FHOD1: variants seen among roughly 807,000 people sequenced by gnomAD.
The protein encoded by FHOD1 is FH1/FH2 domain-containing protein 1.
In FHOD1, 89 loss-of-function variants were observed where a neutral mutation model predicts 111.6. That is an observed-to-expected ratio of 0.80 (90% CI 0.67 to 0.95). The LOEUF (loss-of-function observed/expected upper bound fraction) is 0.95, where lower values mean the gene tolerates loss of function less well. Ranked by LOEUF, FHOD1 falls within the 40% of genes least tolerant of loss-of-function variation. The probability of loss-of-function intolerance (pLI) is 0.00; values close to 1 mark genes in which losing one functional copy is unlikely to be tolerated. For missense variants in FHOD1, 1,446 were observed against 1,554.2 expected (o/e 0.93, Z 1.17); for synonymous variants, 618 against 639.0 (o/e 0.97, Z 0.50).
chr16:67,229,916 A>G lies in FHOD1; in HGVS notation c.3289T>C (p.Ser1097Pro). The change falls in exon 21 of 22, where the codon TCC becomes CCC. Residue 1097 changes from serine (S) to proline (P), a missense_variant. This residue lies in a region of FHOD1 where 1,085 missense variants were observed against 1,108.8 expected (regional missense o/e 0.98). Transcript: ENST00000258201. ...STASPEEPPG[S>P]SLPSDTSDEI... is the part of the protein sequence containing the mutation. ...TCTGATGTATCACTGGGTAAACTGG[A>G]GCCTGGGGGTTCTTCTGGGGATGCA... The G allele has an allele frequency of 6.2e-7, 1 of 1,614,152 alleles. No homozygotes were observed. Among genetic ancestry groups the G allele is most frequent in the Non-Finnish European group, 8.5e-7 (1 of 1,180,006 alleles).
Position 67,230,374 on chromosome 16 carries a change from C to T in FHOD1, c.2991G>A (p.Gln997=), listed in dbSNP as rs754215765. 5 of 1,614,262 alleles carry T rather than the reference C, an allele frequency of 3.1e-6. No homozygotes were observed. The Middle Eastern group carries it at 4.9e-4, about 160-fold the overall frequency. ...YRTCRERVLQ[Q]QQKQATYRER... ...CACGGTATGTGGCCTGCTTCTGCTG[C>T]TGCTGTAGCACTCGTTCCCGGCAAG... The change falls in exon 19 of 22, where the codon CAG becomes CAA. Residue 997 remains glutamine (Q), a synonymous_variant. Coordinates refer to ENST00000258201, the MANE Select transcript of FHOD1 (RefSeq NM_013241.3).
chr16:67,245,720 G>A (rs2034793904), intron 1 of FHOD1, among the ~76,000 whole-genome samples: 1 of 151,996 alleles, frequency 6.6e-6, no homozygotes, highest in African/African-American at 2.4e-5. Flanking sequence ...ACTCCAGCCT[G>A]GGAGACAGAG....
chr16:67,231,583 T>C lies in FHOD1; in HGVS notation c.2386-34A>G, dbSNP rs777114291. The C allele has an allele frequency of 1.2e-6, 2 of 1,613,982 alleles. No individual in the cohort carries two copies. Among genetic ancestry groups the C allele is most frequent in the East Asian group, 2.2e-5 (1 of 44,900 alleles). On this transcript the variant is annotated intron_variant, in intron 15 of 21. Transcript: ENST00000258201. This position sits in a 1 kb window ranked among gnomAD's most constrained non-coding sequence, Gnocchi z 4.3. The stretch of plus-strand genomic sequence containing the variant: ...GGAGACCAGGGACTCTCAGACTACA[T>C]GGTCATGATGCTTACCTGTCCCTAC...
chr16:67,247,280 C>T lies in FHOD1; in HGVS notation c.131G>A (p.Ser44Asn). The change falls in exon 1 of 22, where the codon AGC becomes AAC. Residue 44 changes from serine (S) to asparagine (N), a missense_variant. Physicochemically the swap from Ser to Asn is conservative, Grantham distance 46 (BLOSUM62 1). This residue lies in a region of FHOD1 where 127 missense variants were observed against 118.0 expected (regional missense o/e 1.08). Transcript: ENST00000258201. ...GCCCAAGGGCAGCGCCCCGTCCAGG[C>T]TGCAGGTGGGGGCCCGGCGCGGCTC... ...FPEPRRAPTC[S>N]LDGALPLGAQ... The T allele has an allele frequency of 6.2e-7, 1 of 1,612,696 alleles. No individual in the cohort carries two copies. The highest frequency in any genetic ancestry group is 1.1e-5 in the South Asian group (1 of 91,004).
chr16:67,231,958 C>A lies in FHOD1; in HGVS notation c.2202+81G>T. ...TGCAGAAATGCCAAGCCCATGCCCA[C>A]CACCAGAGGGACAGGAAATGCCCAC... On this transcript the variant is annotated intron_variant, in intron 14 of 21. Transcript: ENST00000258201. The surrounding 1 kb of genome is among the most constrained non-coding windows in gnomAD (Gnocchi z 4.3). 6.3e-7 allele frequency: 1 copy of A among 1,576,332 alleles called. No homozygotes were observed. The highest frequency in any genetic ancestry group is 8.6e-7 in the Non-Finnish European group (1 of 1,158,108).
At position 67,237,508 on chromosome 16, in the gene FHOD1, C is replaced by T. The variant is rs752983534; in HGVS notation, c.816G>A (p.Glu272=). The change falls in exon 8 of 22, where the codon GAG becomes GAA. Residue 272 remains glutamate (E), a synonymous_variant. Transcript: ENST00000258201. This position sits in a 1 kb window ranked among gnomAD's most constrained non-coding sequence, Gnocchi z 5.6. ...ILEEKNGADP[E]LLVYTVTLIN... is the part of the protein sequence containing the mutation. ...TGAGGGTGACCGTGTACACCAACAA[C>T]TCAGGGTCAGCGCCATTCTTCTCCT... is the stretch of plus-strand genomic sequence containing the variant. 68 of 1,614,058 alleles carry T rather than the reference C, an allele frequency of 4.2e-5. No individual in the cohort carries two copies. The highest frequency in any genetic ancestry group is 5.5e-5 in the Non-Finnish European group (65 of 1,180,038).
In FHOD1 at chr16:67,233,976, A is replaced by T; in HGVS notation, c.1727T>A (p.Leu576Gln). Residue 576 changes from leucine to glutamine, a missense_variant, in exon 13 of 22, where the codon CTG (leucine) becomes CAG (glutamine). Around this residue, in one of 3 missense-constraint regions of FHOD1, gnomAD observed 1,085 missense variants for 1,108.8 expected, o/e 0.98. Transcript: ENST00000258201. ...GKDIPAPSPP[L>Q]PLLSGVPPPP... ...GGGGGGTACTCCCGAGAGCAGGGGC[A>T]GTGGGGGTGAGGGAGCTGGGATGTC... The T allele has an allele frequency of 6.2e-7, 1 of 1,602,232 alleles. No individual in the cohort carries two copies. The highest frequency in any genetic ancestry group is 2.2e-5 in the East Asian group (1 of 44,650).
chr16:67,230,914 T>C lies in FHOD1; in HGVS notation c.2668-123A>G, dbSNP rs777801420. On this transcript the variant is annotated intron_variant, in intron 17 of 21. Transcript: ENST00000258201. The stretch of plus-strand genomic sequence containing the variant: ...TAAGGACACAGACATCCAAATCTCA[T>C]AGACTAGTGCAAGAGACACAAGTCC... 82 of 1,066,360 alleles carry C rather than the reference T, an allele frequency of 7.7e-5. No individual in the cohort carries two copies. In the Middle Eastern group the frequency reaches 1.2e-3, roughly 16 times the overall value. The allele number at this position is 1,066,360 out of a possible 1,614,324, so 66.1% of individuals were successfully genotyped here.
chr16:67,234,396 G>A lies in FHOD1; in HGVS notation c.1396C>T (p.Leu466Phe), dbSNP rs568216912. 6.0e-5 allele frequency: 97 copies of A among 1,610,510 alleles called. No individual in the cohort carries two copies. The South Asian group carries it at 9.0e-4, about 15-fold the overall frequency. The change falls in exon 12 of 22, where the codon CTT becomes TTT. Residue 466 changes from leucine (L) to phenylalanine (F), a missense_variant. This residue lies in a region of FHOD1 where 1,085 missense variants were observed against 1,108.8 expected (regional missense o/e 0.98). Coordinates refer to ENST00000258201, the MANE Select transcript of FHOD1 (RefSeq NM_013241.3). ...GCCTCATTGGGCATGGCCCCGGCAAGTGTCTCTGCCCGGCCCTGGGCCAGC... is the reference window on the plus strand; with the variant it reads ...GCCTCATTGGGCATGGCCCCGGCAAATGTCTCTGCCCGGCCCTGGGCCAGC... ...VALAQGRAET[L>F]AGAMPNEAGG...
intron 1 of FHOD1, among the ~76,000 whole-genome samples, chr16:67,240,068 G>A (rs765878951): frequency 6.6e-6 from 1 of 152,172 alleles, no homozygotes; most frequent in Non-Finnish European, 1.5e-5. Flanking sequence ...CCGGGAGAGT[G>A]TGTCTGTGTG....
At chr16:67,244,621 G>A (rs889398134) in intron 1 of FHOD1, among the ~76,000 whole-genome samples, 2 of 152,148 alleles carry the variant, frequency 1.3e-5, no homozygotes, top group Non-Finnish European at 2.9e-5. Context: ...CCAATGGGGT[G>A]TGTGGGTGGA....
At chr16:67,247,130 C>T in intron 1 of FHOD1, 80 bp downstream of exon 1, 2 of 1,401,370 alleles carry the variant, frequency 1.4e-6, no homozygotes, top group Non-Finnish European at 1.9e-6. Flanking sequence ...CAGCCTCTTC[C>T]CGCGGAGCAC....
At position 67,238,721 on chromosome 16, in the gene FHOD1, C is replaced by G. The variant is rs1330006439; in HGVS notation, c.373+182G>C. ...CATGAGCTACCACGCCTGGTCTATT[C>G]TAACATTCTTGAATCCCCCTCCACT... is the stretch of plus-strand genomic sequence containing the variant. On this transcript the variant is annotated intron_variant, in intron 3 of 21. Transcript: ENST00000258201. The surrounding 1 kb of genome is among the most constrained non-coding windows in gnomAD (Gnocchi z 4.2). The G allele has an allele frequency of 1.5e-6, 1 of 685,206 alleles. No individual in the cohort carries two copies. The highest frequency in any genetic ancestry group is 1.8e-5 in the African/African-American group (1 of 56,126). The allele number at this position is 685,206 out of a possible 1,614,324, so 42.4% of individuals were successfully genotyped here.
At chr16:67,244,805 C>G (rs1310109013) in intron 1 of FHOD1, among the ~76,000 whole-genome samples, 1 of 152,156 alleles carries the variant, frequency 6.6e-6, no homozygotes, top group Non-Finnish European at 1.5e-5. Context: ...AGTAAAGAAC[C>G]CCTTCCTCTT....
chr16:67,234,620 C>T, intron 11 of FHOD1, 148 bp from the exon 12 acceptor site: 1 of 609,976 alleles, frequency 1.6e-6, no homozygotes. Context: ...CAGAACCACA[C>T]CCCCCCCAAG....
At chr16:67,243,980 TAC>T (rs907602120) in intron 1 of FHOD1, among the ~76,000 whole-genome samples, 4 of 152,116 alleles carry the variant, frequency 2.6e-5, no homozygotes, top group South Asian at 2.1e-4. Context: ...CTCAGTTTTC[TAC>T]AGTCTCCCAA....
intron 11 of FHOD1, among the ~76,000 whole-genome samples, chr16:67,234,933 A>AT (rs74379588): frequency 6.6e-6 from 1 of 151,754 alleles, no homozygotes. Context: ...TGATTTTTTA[A>AT]TTTTTTTGAG....
rs1239514684 is a variant in FHOD1, at chr16:67,239,413, G to T, written c.243C>A (p.Tyr81Ter). ...CTTCCAGGGACAGCTCGGTGTCCAGGTAGTATCCGGAGGGAGACACTTGCA... is the reference window on the plus strand; with the variant it reads ...CTTCCAGGGACAGCTCGGTGTCCAGTTAGTATCCGGAGGGAGACACTTGCA... ...CALQVSPSGY[Y>*]LDTELSLEEQ... The change falls in exon 2 of 22, where the codon TAC becomes TAA. Residue 81 changes from tyrosine to a stop codon, truncating the protein, a stop_gained. Coordinates refer to ENST00000258201, the MANE Select transcript of FHOD1 (RefSeq NM_013241.3). LOFTEE classifies it high-confidence loss of function. The T allele has an allele frequency of 4.3e-6, 7 of 1,614,066 alleles. No individual in the cohort carries two copies. Among genetic ancestry groups the T allele is most frequent in the Non-Finnish European group, 5.1e-6 (6 of 1,180,046 alleles).
In FHOD1 at chr16:67,237,837, G is replaced by C; in HGVS notation, c.643-69C>G. On this transcript the variant is annotated intron_variant, in intron 6 of 21. Coordinates refer to ENST00000258201, the MANE Select transcript of FHOD1 (RefSeq NM_013241.3). This position sits in a 1 kb window ranked among gnomAD's most constrained non-coding sequence, Gnocchi z 5.6. ...CCTGTGCCAGCTGTTGCTGGGGAAG[G>C]GGAAGGGCTGCTGGGGCTGGACCCA... 2 of 1,475,642 alleles carry C rather than the reference G, an allele frequency of 1.4e-6. No homozygotes were observed. The highest frequency in any genetic ancestry group is 9.5e-7 in the Non-Finnish European group (1 of 1,056,066). 91.4% of individuals were successfully genotyped at this position (1,475,642 alleles called of 1,614,324 possible).
Sources: allele counts gnomAD v4.1 joint callset (sites outside exome capture counted in the v4.1 genomes callset), GRCh38; gene constraint gnomAD v4.1.1; regional missense constraint gnomAD v4.1.1; non-coding constraint Gnocchi (gnomAD v3.1); transcripts MANE v1.5; gene names NCBI Gene and HGNC (gene_info 2026-07-23, HGNC 2026-07-21).